Variants in PCDHAC1 observed in about 807,000 individuals in gnomAD.
The protein encoded by PCDHAC1 is protocadherin alpha-C1.
PCDHAC1 carries 42 observed loss-of-function variants against 60.0 expected under a neutral mutation model. The ratio of observed to expected loss-of-function variants is 0.70; its 90% CI spans 0.55 to 0.90. PCDHAC1 has a LOEUF of 0.90. PCDHAC1 is among the 40% of genes least tolerant of loss of function. The probability of loss-of-function intolerance (pLI) is 0.00; values close to 1 mark genes in which losing one functional copy is unlikely to be tolerated. For missense variants in PCDHAC1, 1,160 were observed against 1,222.3 expected (o/e 0.95, Z 0.76); for synonymous variants, 468 against 499.3 (o/e 0.94, Z 0.84).
intron 2 of PCDHAC1, among the ~76,000 whole-genome samples, chr5:140,980,702 G>A (rs1472407152): frequency 6.6e-6 from 1 of 151,558 alleles, no homozygotes; most frequent in Non-Finnish European, 1.5e-5. Flanking sequence ...AAAGCCAAAT[G>A]TGCTCCTATT....
intron 3 of PCDHAC1, among the ~76,000 whole-genome samples, 199 bp downstream of exon 3, chr5:140,982,762 TAAC>T (rs1210027762): frequency 6.6e-6 from 1 of 152,130 alleles, no homozygotes; most frequent in Non-Finnish European, 1.5e-5. Context: ...TGAAAAAGGA[TAAC>T]AAGGAAAGTG....
intron 1 of PCDHAC1, among the ~76,000 whole-genome samples, chr5:140,954,191 G>C (rs201162017): frequency 2.0e-5 from 3 of 152,150 alleles, no homozygotes; most frequent in Non-Finnish European, 4.4e-5. Flanking sequence ...TCATTGATGG[G>C]CATTTGGGTT....
chr5:140,961,236 T>G (rs246004), intron 1 of PCDHAC1, among the ~76,000 whole-genome samples: 1 of 151,942 alleles, frequency 6.6e-6, no homozygotes, highest in African/African-American at 2.4e-5. Context: ...AAAAAGGTGA[T>G]GGAATTTATC....
chr5:141,000,393 CTCTATATATATA>C (rs1208951211), intron 3 of PCDHAC1, among the ~76,000 whole-genome samples: 9 of 52,848 alleles, frequency 1.7e-4, no homozygotes, highest in African/African-American at 6.4e-4. Context: ...CTCTCTCTCT[CTCTATATATATA>C]TATATATATA....
At chr5:140,982,226 A>G in intron 2 of PCDHAC1, 1 of 603,292 alleles carries the variant, frequency 1.7e-6, no homozygotes, top group Non-Finnish European at 2.5e-6. Context: ...GCGTTAATAA[A>G]AAACAGAATT....
chr5:140,939,812 A>T (rs1277082652), intron 1 of PCDHAC1, among the ~76,000 whole-genome samples: 4 of 152,196 alleles, frequency 2.6e-5, no homozygotes, highest in Non-Finnish European at 2.9e-5. Flanking sequence ...ATGTTCAAGA[A>T]AAAGCAGTAT....
chr5:140,980,963 A>T (rs1047334103), intron 2 of PCDHAC1, among the ~76,000 whole-genome samples: 8 of 152,224 alleles, frequency 5.3e-5, no homozygotes, highest in African/African-American at 1.9e-4. Context: ...TTACACCTTC[A>T]TGAATCTGAC....
intron 1 of PCDHAC1, among the ~76,000 whole-genome samples, chr5:140,960,822 T>C (rs1225829114): frequency 4.6e-5 from 7 of 152,080 alleles, no homozygotes; most frequent in African/African-American, 1.7e-4. Context: ...AAGTGATGAA[T>C]GGAAACTTGG....
rs782465180 is a variant in PCDHAC1, at chr5:140,927,322, A to T, written c.430A>T (p.Thr144Ser). 1 of 1,613,780 alleles carries T rather than the reference A, an allele frequency of 6.2e-7. No homozygotes were observed. The highest frequency in any genetic ancestry group is 8.5e-7 in the Non-Finnish European group (1 of 1,179,998). Residue 144 changes from threonine (T) to serine (S), a missense_variant, in exon 1 of 4, where the codon ACT becomes TCT. This residue lies in a region of PCDHAC1 where 1,113 missense variants were observed against 1,163.7 expected (regional missense o/e 0.96). Coordinates refer to ENST00000253807, the MANE Select transcript of PCDHAC1 (RefSeq NM_018898.5). ...PEFLTPGARF[T>S]LPNAQDDDEG... Reference sequence around the variant, plus strand: ...GTTCCTGACGCCCGGAGCCCGCTTTACTCTCCCGAATGCCCAAGATGACGA... The same window carrying T: ...GTTCCTGACGCCCGGAGCCCGCTTTTCTCTCCCGAATGCCCAAGATGACGA...
In PCDHAC1 at chr5:140,928,913, G is replaced by T. The variant is rs782438428; in HGVS notation, c.2021G>T (p.Gly674Val). ...LPDFEDVWEPGGQLSAQNLYL... is the reference protein window; with the variant it reads ...LPDFEDVWEPVGQLSAQNLYL... The stretch of plus-strand genomic sequence containing the variant: ...GACTTTGAAGATGTCTGGGAACCAG[G>T]AGGGCAGCTTTCTGCCCAGAACTTG... Residue 674 changes from glycine (G) to valine (V), a missense_variant, in exon 1 of 4, where the codon GGA (glycine) becomes GTA (valine). Physicochemically the swap from Gly to Val is moderately radical, Grantham distance 109. This residue lies in a region of PCDHAC1 where 1,113 missense variants were observed against 1,163.7 expected (regional missense o/e 0.96). Transcript: ENST00000253807. The T allele has an allele frequency of 2.5e-6, 4 of 1,614,132 alleles. No homozygotes were observed. The highest frequency in any genetic ancestry group is 2.5e-6 in the Non-Finnish European group (3 of 1,180,028).
At chr5:140,983,392 C>T (rs1190599444) in intron 3 of PCDHAC1, among the ~76,000 whole-genome samples, 2 of 152,150 alleles carry the variant, frequency 1.3e-5, no homozygotes, top group African/African-American at 2.4e-5. Context: ...TGGCAGTTTT[C>T]AGAAAGGGAA....
At chr5:140,968,170 C>G in intron 1 of PCDHAC1, 1 of 1,614,132 alleles carries the variant, frequency 6.2e-7, no homozygotes, top group Middle Eastern at 1.6e-4. Context: ...ATCCACCAAG[C>G]TTCCTGGAGG....
intron 1 of PCDHAC1, among the ~76,000 whole-genome samples, chr5:140,952,125 A>G (rs1027710629): frequency 6.6e-6 from 1 of 152,092 alleles, no homozygotes; most frequent in African/African-American, 2.4e-5. Context: ...TGGGCTCCCA[A>G]GGCCTTGGGA....
intron 1 of PCDHAC1, among the ~76,000 whole-genome samples, chr5:140,948,744 C>A (rs868917864): frequency 3.3e-5 from 5 of 151,312 alleles, no homozygotes; most frequent in South Asian, 2.1e-4. Flanking sequence ...GAGAATTTAT[C>A]AATTTTGCTG....
chr5:140,961,728 A>G (rs2095632104), intron 1 of PCDHAC1, among the ~76,000 whole-genome samples: 1 of 152,192 alleles, frequency 6.6e-6, no homozygotes, highest in East Asian at 1.9e-4. Context: ...GCTCATAAAC[A>G]ATCACTTTAG....
At chr5:141,009,488 C>T (rs2098409682) in intron 3 of PCDHAC1, 139 bp from the exon 4 acceptor site, 4 of 1,469,622 alleles carry the variant, frequency 2.7e-6, no homozygotes, top group Non-Finnish European at 3.6e-6. Context: ...CTTGCCTTGC[C>T]CTCAGACTTG....
chr5:140,991,642 A>T (rs2097463636), intron 3 of PCDHAC1, among the ~76,000 whole-genome samples: 2 of 152,160 alleles, frequency 1.3e-5, no homozygotes, highest in South Asian at 4.1e-4. Flanking sequence ...CAATCTGTTC[A>T]TGACAATTTA....
intron 1 of PCDHAC1, among the ~76,000 whole-genome samples, chr5:140,970,929 G>A (rs537614286): frequency 1.4e-4 from 22 of 152,192 alleles, no homozygotes; most frequent in Non-Finnish European, 2.9e-4. Flanking sequence ...AGTGCCTGGT[G>A]TTAGTCAATG....
At chr5:141,000,421 A>ATATTTTTTTTTTT (rs1265241806) in intron 3 of PCDHAC1, among the ~76,000 whole-genome samples, 1 of 27,968 alleles carries the variant, frequency 3.6e-5, no homozygotes, top group African/African-American at 1.8e-4. Flanking sequence ...ATATATATAT[A>ATATTTTTTTTTTT]TTTTTTTTTT....
Sources: gnomAD v4.1 joint callset for allele counts (sites outside exome capture counted in the v4.1 genomes callset) on GRCh38, gnomAD v4.1.1 for gene constraint, gnomAD v4.1.1 regional missense constraint, MANE v1.5 for transcripts, NCBI Gene and HGNC (gene_info 2026-07-23, HGNC 2026-07-21) for gene names.